Variants in NAV3 observed in about 807,000 individuals in gnomAD.
The protein encoded by NAV3 is pore membrane and/or filament interacting like protein 1.
Under a neutral mutation model 244.7 loss-of-function variants are expected in NAV3, and 87 were observed. That is an observed-to-expected ratio of 0.36 (90% CI 0.30 to 0.42). NAV3 has a LOEUF of 0.42. Ranked by LOEUF, NAV3 falls within the 20% of genes least tolerant of loss-of-function variation. NAV3 has a pLI of 1.00. For synonymous variants in NAV3, 1,126 were observed against 1,042.2 expected (o/e 1.08, Z -1.55); for missense variants, 2,663 against 2,893.3 (o/e 0.92, Z 1.83).
At chr12:78,208,056 T>G (rs1960508602) in intron 39 of NAV3, among the ~76,000 whole-genome samples, 1 of 152,156 alleles carries the variant, frequency 6.6e-6, no homozygotes, top group Non-Finnish European at 1.5e-5. Context: ...CTGGGCAATT[T>G]GTAAAGAAAA....
At chr12:77,772,195 G>C (rs1176632098) in intron 2 of NAV3, among the ~76,000 whole-genome samples, 2 of 152,180 alleles carry the variant, frequency 1.3e-5, no homozygotes, top group East Asian at 3.9e-4. Context: ...GAGGGACAAC[G>C]CTAGTATTCA....
chr12:77,943,077 A>G (rs1483350659), intron 3 of NAV3, among the ~76,000 whole-genome samples: 1 of 152,188 alleles, frequency 6.6e-6, no homozygotes, highest in Non-Finnish European at 1.5e-5. Context: ...GTGATGGAAA[A>G]ACAATTCCAA....
At chr12:77,875,659 AT>A (rs34454035) in intron 1 of NAV3, among the ~76,000 whole-genome samples, 18,452 of 152,074 alleles carry the variant, frequency 0.12, 1,165 homozygotes, top group East Asian at 0.22. Context: ...TAGCATTTTT[AT>A]TGTATTCCTG....
chr12:78,064,395 G>GTCTC (rs1555272973), intron 12 of NAV3, among the ~76,000 whole-genome samples: 1 of 139,954 alleles, frequency 7.1e-6, no homozygotes, highest in Admixed American at 7.4e-5. Flanking sequence ...CTATCTATCT[G>GTCTC]TGTCTGTCTG....
intron 1 of NAV3, among the ~76,000 whole-genome samples, chr12:77,835,357 G>A (rs911069781): frequency 1.3e-5 from 2 of 152,154 alleles, no homozygotes; most frequent in Admixed American, 6.6e-5. Flanking sequence ...CACAATAGAC[G>A]ACTGTCATTA....
At chr12:77,677,539 C>T (rs888653867) in intron 2 of NAV3, among the ~76,000 whole-genome samples, 3 of 152,228 alleles carry the variant, frequency 2.0e-5, no homozygotes, top group Non-Finnish European at 4.4e-5. Context: ...AATAATTTGA[C>T]TTCCAATCCT....
chr12:78,045,536 G>A (rs1322345990), intron 9 of NAV3, among the ~76,000 whole-genome samples: 1 of 152,036 alleles, frequency 6.6e-6, no homozygotes, highest in African/African-American at 2.4e-5. Flanking sequence ...CTCGTGATCT[G>A]CCCACCTCAG....
intron 38 of NAV3, among the ~76,000 whole-genome samples, chr12:78,201,422 C>T (rs1959686100): frequency 1.3e-5 from 2 of 151,742 alleles, no homozygotes; most frequent in Admixed American, 6.6e-5. Flanking sequence ...GGAGAGAGTA[C>T]TCTAAATTCT....
chr12:77,618,464 A>T (rs1871229099), intron 2 of NAV3, among the ~76,000 whole-genome samples: 1 of 152,208 alleles, frequency 6.6e-6, no homozygotes. Context: ...GTTCATGGAC[A>T]TGCAATATTC....
At chr12:77,861,315 T>C (rs551620369) in intron 1 of NAV3, among the ~76,000 whole-genome samples, 3 of 151,966 alleles carry the variant, frequency 2.0e-5, no homozygotes, top group African/African-American at 7.2e-5. Context: ...ACCAGAAGTT[T>C]TGTGAGTTTT....
At chr12:78,175,574 A>T in intron 25 of NAV3, 147 bp downstream of exon 25, 1 of 996,528 alleles carries the variant, frequency 1.0e-6, no homozygotes, top group Non-Finnish European at 1.4e-6. Flanking sequence ...CATCACCAAA[A>T]TTGGAGTGGC....
chr12:77,968,843 G>C (rs1005705960), intron 5 of NAV3, 141 bp downstream of exon 5: 3 of 808,252 alleles, frequency 3.7e-6, no homozygotes, highest in Middle Eastern at 2.4e-4. Context: ...TTGTGTAATA[G>C]AAACTAAAAC....
chr12:77,740,667 A>G (rs182841420), intron 2 of NAV3, among the ~76,000 whole-genome samples: 71 of 152,302 alleles, frequency 4.7e-4, no homozygotes, highest in Admixed American at 1.2e-3. Context: ...TTAAGACTGC[A>G]TCTGGAGTAT....
At chr12:77,633,525 T>G (rs986566238) in intron 2 of NAV3, among the ~76,000 whole-genome samples, 2 of 152,244 alleles carry the variant, frequency 1.3e-5, no homozygotes, top group African/African-American at 4.8e-5. Context: ...GTATATTGTA[T>G]TGACACTTGT....
intron 5 of NAV3, among the ~76,000 whole-genome samples, chr12:77,984,856 A>G (rs984168908): frequency 6.6e-6 from 1 of 151,574 alleles, no homozygotes; most frequent in African/African-American, 2.4e-5. Context: ...TCGCTCTGTC[A>G]CCCATGCTGG....
intron 23 of NAV3, among the ~76,000 whole-genome samples, chr12:78,166,606 C>T (rs1957791910): frequency 6.6e-6 from 1 of 151,684 alleles, no homozygotes. Context: ...CATTGAGTAA[C>T]AACTAACCTG....
intron 2 of NAV3, among the ~76,000 whole-genome samples, chr12:77,675,120 A>G (rs1874149245): frequency 6.6e-6 from 1 of 152,344 alleles, no homozygotes; most frequent in African/African-American, 2.4e-5. Flanking sequence ...TACACATACT[A>G]AATAACTCAT....
chr12:77,783,230 T>C (rs929909705), intron 2 of NAV3: 10 of 152,138 alleles, frequency 6.6e-5, no homozygotes, highest in Admixed American at 5.9e-4. Flanking sequence ...TTCTCCTTTG[T>C]ATTTGTAAAA....
chr12:77,777,418 G>A (rs1870419725), intron 2 of NAV3, among the ~76,000 whole-genome samples: 2 of 152,156 alleles, frequency 1.3e-5, no homozygotes, highest in Admixed American at 6.5e-5. Context: ...ATTGTGACAT[G>A]TTAGGCTACT....
Sources: allele counts gnomAD v4.1 joint callset (sites outside exome capture counted in the v4.1 genomes callset), GRCh38; gene constraint gnomAD v4.1.1; transcripts MANE v1.5; gene names NCBI Gene and HGNC (gene_info 2026-07-23, HGNC 2026-07-21).